The following GPC3 variants were observed in gnomAD, a reference collection of about 807,000 sequenced individuals.
The protein encoded by GPC3 is glypican 3, also known as glypican-3.
In GPC3, 3 loss-of-function variants were observed where a neutral mutation model predicts 34.4. The ratio of observed to expected loss-of-function variants is 0.09; its 90% CI spans 0.04 to 0.23. The LOEUF (loss-of-function observed/expected upper bound fraction) is 0.23. Ranked by LOEUF, GPC3 falls within the 10% of genes least tolerant of loss-of-function variation. The pLI, the probability that GPC3 is intolerant of heterozygous loss-of-function variation, is 1.00. For missense variants in GPC3, 351 were observed against 445.6 expected (o/e 0.79, Z 1.91); for synonymous variants, 177 against 174.0 (o/e 1.02, Z -0.13).
intron 2 of GPC3, among the ~76,000 whole-genome samples, chrX:133,794,395 T>G (rs1429755125): frequency 2.7e-5 from 3 of 112,106 alleles, no homozygotes; most frequent in Non-Finnish European, 5.6e-5. Flanking sequence ...AGGCCTCGTT[T>G]GTGTTTAAGT....
intron 2 of GPC3, among the ~76,000 whole-genome samples, chrX:133,762,070 G>A (rs995452389): frequency 8.9e-5 from 10 of 111,904 alleles, no homozygotes; most frequent in African/African-American, 3.2e-4. Context: ...GGACAAAGTA[G>A]GATAAAAACA....
At chrX:133,591,346 T>C (rs1224787671) in intron 7 of GPC3, among the ~76,000 whole-genome samples, 2 of 111,794 alleles carry the variant, frequency 1.8e-5, no homozygotes, top group African/African-American at 6.5e-5. Context: ...GGTAAAATTG[T>C]ATAACAGCTG....
At chrX:133,882,345 G>A (rs1445750123) in intron 2 of GPC3, among the ~76,000 whole-genome samples, 1 of 111,491 alleles carries the variant, frequency 9.0e-6, no homozygotes, top group African/African-American at 3.3e-5. Context: ...TTGTTTCTAG[G>A]TGCTGCTGAG....
intron 3 of GPC3, among the ~76,000 whole-genome samples, chrX:133,716,107 T>C (rs1007985431): frequency 1.8e-5 from 2 of 112,285 alleles, no homozygotes; most frequent in African/African-American, 3.2e-5. Flanking sequence ...ATACAGACTT[T>C]ACAGAATTGG....
rs6634946 is a variant in GPC3, at chrX:133,907,032, C to T, written c.337+46018G>A. Reference sequence around the variant, plus strand: ...AGGAGAATCGCTTGAACCCGGGAGGCGGAGCTTGCAGTGAGCCGAGATCGC... The same window carrying T: ...AGGAGAATCGCTTGAACCCGGGAGGTGGAGCTTGCAGTGAGCCGAGATCGC... On this transcript the variant is annotated intron_variant, in intron 2 of 7. Transcript: ENST00000370818. Among the ~76,000 whole-genome samples, 122 of 108,373 alleles carry T rather than the reference C, an allele frequency of 1.1e-3. 2 individuals carry two copies. In the East Asian group the frequency reaches 0.027, roughly 24 times the overall value. The allele number at this position is 108,373 out of a possible 115,157, so 94.1% of individuals were successfully genotyped here.
intron 2 of GPC3, among the ~76,000 whole-genome samples, chrX:133,800,233 G>A (rs1431287957): frequency 8.9e-6 from 1 of 112,443 alleles, no homozygotes; most frequent in Non-Finnish European, 1.9e-5. Flanking sequence ...CATGTGATTG[G>A]AAGACTATTT....
chrX:133,628,230 A>G (rs1203920163), intron 6 of GPC3, among the ~76,000 whole-genome samples: 1 of 112,583 alleles, frequency 8.9e-6, no homozygotes, highest in East Asian at 2.8e-4. Flanking sequence ...CCCAAGCAAC[A>G]TCAAAAACAG....
At chrX:133,916,616 C>T (rs998402400) in intron 2 of GPC3, among the ~76,000 whole-genome samples, 8 of 111,773 alleles carry the variant, frequency 7.2e-5, no homozygotes, top group African/African-American at 2.6e-4. Flanking sequence ...TGGTGGCTCA[C>T]ATCCGTAATC....
At chrX:133,827,522 C>T (rs2075753700) in intron 2 of GPC3, among the ~76,000 whole-genome samples, 2 of 111,578 alleles carry the variant, frequency 1.8e-5, no homozygotes, top group African/African-American at 3.3e-5. Context: ...GTGGCTCACA[C>T]CTGTATTCCC....
At chrX:133,950,783 C>G (rs1602555921) in intron 2 of GPC3, among the ~76,000 whole-genome samples, 1 of 111,562 alleles carries the variant, frequency 9.0e-6, no homozygotes, top group Non-Finnish European at 1.9e-5. Context: ...ATGTTTGTTA[C>G]AAAAGGATTT....
intron 7 of GPC3, among the ~76,000 whole-genome samples, chrX:133,595,006 G>A (rs1056704770): frequency 3.6e-5 from 4 of 110,876 alleles, no homozygotes; most frequent in African/African-American, 9.8e-5. Flanking sequence ...CTGCAGTGAG[G>A]TGTGAAAGCG....
At chrX:133,680,382 T>C (rs1050670915) in intron 5 of GPC3, among the ~76,000 whole-genome samples, 22 of 111,434 alleles carry the variant, frequency 2.0e-4, no homozygotes, top group African/African-American at 4.9e-4. Flanking sequence ...AAGAGAACAA[T>C]GACAAAATGG....
At chrX:133,706,798 T>C (rs763399990) in intron 3 of GPC3, among the ~76,000 whole-genome samples, 3 of 111,733 alleles carry the variant, frequency 2.7e-5, no homozygotes, top group Non-Finnish European at 5.6e-5. Context: ...AGTTTGGAGA[T>C]TCCTCAAAGA....
At chrX:133,941,220 G>T (rs1211742919) in intron 2 of GPC3, among the ~76,000 whole-genome samples, 2 of 112,207 alleles carry the variant, frequency 1.8e-5, no homozygotes, top group Non-Finnish European at 3.8e-5. Context: ...CTACATCAAA[G>T]AATAGTTCCA....
intron 2 of GPC3, among the ~76,000 whole-genome samples, chrX:133,931,865 G>GT (rs933957270): frequency 1.4e-4 from 15 of 110,863 alleles, no homozygotes; most frequent in Admixed American, 4.8e-4. Flanking sequence ...TCTGTGGTAT[G>GT]TTTTTTTTGT....
At chrX:133,904,609 C>T (rs1206842678) in intron 2 of GPC3, among the ~76,000 whole-genome samples, 3 of 111,433 alleles carry the variant, frequency 2.7e-5, no homozygotes, top group Non-Finnish European at 3.8e-5. Flanking sequence ...AAATACATCC[C>T]CGTCAATAGT....
chrX:133,595,455 A>G (rs2069902315), intron 7 of GPC3, among the ~76,000 whole-genome samples: 1 of 111,694 alleles, frequency 9.0e-6, no homozygotes, highest in African/African-American at 3.3e-5. Flanking sequence ...AAATTTAAGG[A>G]ATTTTTGTTG....
intron 3 of GPC3, among the ~76,000 whole-genome samples, chrX:133,709,393 G>A (rs912439911): frequency 8.1e-5 from 9 of 111,296 alleles, no homozygotes; most frequent in African/African-American, 2.6e-4. Flanking sequence ...GTGGAGTTGG[G>A]TGGGAATTTC....
At chrX:133,877,472 C>T (rs1179665542) in intron 2 of GPC3, among the ~76,000 whole-genome samples, 3 of 112,116 alleles carry the variant, frequency 2.7e-5, no homozygotes, top group Middle Eastern at 9.3e-3. Context: ...TCACACCCTG[C>T]TATTGGGACT....
Sources: gnomAD v4.1 joint callset for allele counts (sites outside exome capture counted in the v4.1 genomes callset) on GRCh38, gnomAD v4.1.1 for gene constraint, MANE v1.5 for transcripts, NCBI Gene and HGNC (gene_info 2026-07-23, HGNC 2026-07-21) for gene names.